Variants in CYP3A4 observed in about 807,000 individuals in gnomAD.
CYP3A4 encodes cytochrome P450 family 3 subfamily A member 4.
In CYP3A4, 41 loss-of-function variants were observed where a neutral mutation model predicts 54.9. That is an observed-to-expected ratio of 0.75 (90% CI 0.58 to 0.97). The LOEUF (loss-of-function observed/expected upper bound fraction) is 0.97. Among genes scored for constraint, CYP3A4 ranks in the 50% least tolerant of loss-of-function variants. The probability of loss-of-function intolerance (pLI) is 0.00; values close to 1 mark genes in which losing one functional copy is unlikely to be tolerated. For synonymous variants in CYP3A4, 179 were observed against 205.2 expected, an observed-to-expected ratio of 0.87 and a Z score of 1.09; for missense variants, 510 against 597.3, an observed-to-expected ratio of 0.85 and a Z score of 1.52.
intron 2 of CYP3A4, 31 bp downstream of exon 2, chr7:99,779,961 G>A (rs754335127): frequency 6.3e-7 from 1 of 1,588,606 alleles, no homozygotes; most frequent in South Asian, 1.1e-5. Flanking sequence ...GCAATCATAA[G>A]AAGCAAAAGA....
chr7:99,778,004 A>T, intron 3 of CYP3A4, 24 bp downstream of exon 3: 2 of 1,598,800 alleles, frequency 1.3e-6, no homozygotes, highest in South Asian at 2.2e-5. Flanking sequence ...AAGTCTATCC[A>T]ATGGAAGTTT....
chr7:99,768,864 C>G (rs1183679758), intron 6 of CYP3A4, among the ~76,000 whole-genome samples: 2 of 152,170 alleles, frequency 1.3e-5, no homozygotes, highest in Admixed American at 1.3e-4. Flanking sequence ...GAATAATTAA[C>G]TCTTCCTAAG....
chr7:99,780,121 G>A (rs1815880975), intron 1 of CYP3A4, 36 bp from the exon 2 acceptor site: 2 of 1,592,876 alleles, frequency 1.3e-6, no homozygotes, highest in Non-Finnish European at 1.7e-6. Flanking sequence ...CACAGCGATT[G>A]TGACTTTATA....
chr7:99,762,362 G>C, intron 10 of CYP3A4, 95 bp from the exon 11 acceptor site: 1 of 1,450,540 alleles, frequency 6.9e-7, no homozygotes, highest in South Asian at 1.2e-5. Context: ...GAGCTCCAGA[G>C]ACTAACTCAT....
In CYP3A4 at chr7:99,768,612, G is replaced by A. The variant is rs1815544169; in HGVS notation, c.522-110C>T. ...CAGTCAAGACAGACAAACAGCCACA[G>A]ACTTTCAGATCTACTAGATCACCTT... On this transcript the variant is annotated intron_variant, in intron 6 of 12. Transcript: ENST00000651514. 3.1e-6 allele frequency: 5 copies of A among 1,592,552 alleles called. No individual in the cohort carries two copies. The South Asian group carries it at 5.6e-5, about 18-fold the overall frequency.
chr7:99,770,258 T>G, intron 4 of CYP3A4, 23 bp from the exon 5 acceptor site: 1 of 1,584,524 alleles, frequency 6.3e-7, no homozygotes, highest in Non-Finnish European at 8.7e-7. Flanking sequence ...GCAGAAACAT[T>G]TTGTCCTACA....
At chr7:99,758,340 T>C in intron 12 of CYP3A4, 112 bp from the exon 13 acceptor site, 1 of 1,278,414 alleles carries the variant, frequency 7.8e-7, no homozygotes, top group Non-Finnish European at 1.1e-6. Flanking sequence ...AACAGAGTGA[T>C]ATTCTGATCT....
chr7:99,769,690 G>A (rs1815575908), intron 6 of CYP3A4, 78 bp downstream of exon 6: 1 of 1,564,610 alleles, frequency 6.4e-7, no homozygotes, highest in African/African-American at 1.4e-5. Flanking sequence ...TAACCCAACA[G>A]CAGGAATATC....
At chr7:99,775,420 C>T (rs527491061) in intron 3 of CYP3A4, among the ~76,000 whole-genome samples, 2 of 152,282 alleles carry the variant, frequency 1.3e-5, no homozygotes, top group East Asian at 3.9e-4. Flanking sequence ...CTGGAGGCAT[C>T]ACGCTACCTG....
intron 3 of CYP3A4, among the ~76,000 whole-genome samples, chr7:99,774,376 G>A (rs978608821): frequency 9.2e-5 from 14 of 152,088 alleles, no homozygotes; most frequent in African/African-American, 3.1e-4. Context: ...AAGCCTGACA[G>A]AGACACAACA....
At chr7:99,766,239 C>T in intron 9 of CYP3A4, 138 bp downstream of exon 9, 1 of 1,056,976 alleles carries the variant, frequency 9.5e-7, no homozygotes, top group Non-Finnish European at 1.4e-6. Flanking sequence ...CTCCAACTAC[C>T]ACTTATAACA....
At chr7:99,771,711 G>A (rs1815637883) in intron 4 of CYP3A4, among the ~76,000 whole-genome samples, 1 of 152,206 alleles carries the variant, frequency 6.6e-6, no homozygotes, top group Non-Finnish European at 1.5e-5. Flanking sequence ...ACGAGGTTAA[G>A]AGTTAGTGTA....
rs562407371 is a variant in CYP3A4, at chr7:99,780,808, A to G, written c.72-723T>C. 2.6e-5 allele frequency among the ~76,000 whole-genome samples: 4 copies of G among 152,296 alleles called. 1 individual carries two copies. Among genetic ancestry groups the G allele is most frequent in the African/African-American group, 9.6e-5 (4 of 41,566 alleles). On this transcript the variant is annotated intron_variant, in intron 1 of 12. Coordinates refer to ENST00000651514, the MANE Select transcript of CYP3A4 (RefSeq NM_017460.6). ...TCAGATGATCTGGTTGATTTGACCT[A>G]TTGGGAAGGATGATTGACTCATATT...
chr7:99,771,881 AAGCC>A (rs1413674560), intron 4 of CYP3A4, among the ~76,000 whole-genome samples: 2 of 152,194 alleles, frequency 1.3e-5, no homozygotes, highest in Non-Finnish European at 2.9e-5. Flanking sequence ...GGACAGCCAT[AAGCC>A]ACAAAAAAAA....
At chr7:99,762,752 C>T (rs1357037893) in intron 10 of CYP3A4, among the ~76,000 whole-genome samples, 3 of 152,092 alleles carry the variant, frequency 2.0e-5, no homozygotes, top group African/African-American at 4.8e-5. Context: ...CCAGAGAACA[C>T]GATTTCAGTG....
intron 11 of CYP3A4, among the ~76,000 whole-genome samples, chr7:99,761,733 T>G (rs1023761741): frequency 8.5e-5 from 13 of 152,314 alleles, no homozygotes; most frequent in African/African-American, 3.1e-4. Context: ...TTGGGGGACA[T>G]AATAATAGCA....
At chr7:99,767,369 G>A (rs1398657147) in intron 7 of CYP3A4, 111 bp from the exon 8 acceptor site, 2 of 966,032 alleles carry the variant, frequency 2.1e-6, no homozygotes, top group Non-Finnish European at 1.5e-6. Context: ...AAGACATCAA[G>A]GTTCTCAACT....
At chr7:99,767,355 G>C in intron 7 of CYP3A4, 97 bp from the exon 8 acceptor site, 2 of 1,102,834 alleles carry the variant, frequency 1.8e-6, no homozygotes. Flanking sequence ...AACCAGAAGA[G>C]TAAAAGACAT....
rs201699689 is a variant in CYP3A4 at position 99,766,812 on chromosome 7, G to C, written c.798+319C>G. 17 of 359,838 alleles carry C rather than the reference G, an allele frequency of 4.7e-5. No individual in the cohort carries two copies. In the East Asian group the frequency reaches 9.2e-4, roughly 19 times the overall value. The allele number at this position is 359,838 out of a possible 1,614,324, so 22.3% of individuals were successfully genotyped here. On this transcript the variant is annotated intron_variant, in intron 8 of 12. Transcript: ENST00000651514. ...TATCAGTAAAATATATTTCCAAACA[G>C]TAATGTTTATCCTCTGACAATTTAT...
Sources: gnomAD v4.1 joint callset for allele counts (sites outside exome capture counted in the v4.1 genomes callset) on GRCh38, gnomAD v4.1.1 for gene constraint, MANE v1.5 for transcripts, NCBI Gene and HGNC (gene_info 2026-07-23, HGNC 2026-07-21) for gene names.